Variants in PDE4C observed in about 807,000 individuals in gnomAD.
PDE4C encodes phosphodiesterase 4C.
Under a neutral mutation model 63.9 loss-of-function variants are expected in PDE4C, and 50 were observed. The ratio of observed to expected loss-of-function variants is 0.78; its 90% confidence interval spans 0.62 to 0.99. The LOEUF (loss-of-function observed/expected upper bound fraction) is 0.99. PDE4C is among the 50% of genes least tolerant of loss of function. The pLI is 0.00. For synonymous variants in PDE4C, 377 were observed against 385.1 expected (o/e 0.98, Z 0.25); for missense variants, 777 against 899.1 (o/e 0.86, Z 1.74).
chr19:18,210,669 C>A, exon 15 of PDE4C: 1 of 390,206 alleles, frequency 2.6e-6, no homozygotes, highest in Non-Finnish European at 4.5e-6. Flanking sequence ...GGGATAGAAG[C>A]CCAGGAGAAA....
chr19:18,217,004 C>A, intron 11 of PDE4C, 109 bp from the exon 12 acceptor site: 1 of 1,212,762 alleles, frequency 8.2e-7, no homozygotes, highest in Non-Finnish European at 1.1e-6. Context: ...GTTGAAGGCC[C>A]AACTCTAGCA....
At chr19:18,211,231 C>T in exon 15 of PDE4C, 1 of 1,608,352 alleles carries the variant, frequency 6.2e-7, no homozygotes, top group Middle Eastern at 1.7e-4. Flanking sequence ...ACCAGGTCAG[C>T]CCAAGTCTCC....
chr19:18,221,145 C>G, exon 4 of PDE4C: 1 of 1,581,934 alleles, frequency 6.3e-7, no homozygotes, highest in Middle Eastern at 2.1e-4. Context: ...AGGGCCGCCA[C>G]GTTGCTCCGA....
chr19:18,221,137 G>C (rs1195611648), exon 4 of PDE4C: 1 of 1,570,016 alleles, frequency 6.4e-7, no homozygotes, highest in South Asian at 1.1e-5. Flanking sequence ...GGCGGGCAAG[G>C]GCCGCCACGT....
At chr19:18,221,906 G>A (rs542088117) in intron 2 of PDE4C, among the ~76,000 whole-genome samples, 3 of 152,304 alleles carry the variant, frequency 2.0e-5, no homozygotes, top group South Asian at 4.1e-4. Flanking sequence ...GATTACAGGC[G>A]TGAGCCACCG....
chr19:18,232,374 CGTGT>C (rs4006742), intron 1 of PDE4C, among the ~76,000 whole-genome samples: 242 of 149,934 alleles, frequency 1.6e-3, no homozygotes, highest in Non-Finnish European at 2.7e-3. Context: ...AAAATAAAAA[CGTGT>C]GTGTGTGTGT....
At chr19:18,222,167 C>G in exon 2 of PDE4C, 1 of 1,613,850 alleles carries the variant, frequency 6.2e-7, no homozygotes, top group South Asian at 1.1e-5. Flanking sequence ...GAGACATGGC[C>G]TTGGGCGAGA....
rs1315915106 is a variant in PDE4C at position 18,220,664 on chromosome 19, G to A, written c.500-149C>T. 2 of 797,710 alleles carry A rather than the reference G, an allele frequency of 2.5e-6. No individual in the cohort carries two copies. Among genetic ancestry groups the A allele is most frequent in the African/African-American group, 1.7e-5 (1 of 58,126 alleles). The allele number at this position is 797,710 out of a possible 1,614,324, so 49.4% of individuals were successfully genotyped here. On this transcript the variant is annotated intron_variant, in intron 5 of 14. Transcript: ENST00000262805. This position sits in a 1 kb window ranked among gnomAD's most constrained non-coding sequence, Gnocchi z 5.1. ...GACCCAAGTTCCAGATCTGTTCCCC[G>A]AGTGCCTGTGTGACCATGAGATCTC...
At chr19:18,235,933 T>C (rs1044947753), upstream of PDE4C, among the ~76,000 whole-genome samples, 33 of 151,904 alleles carry the variant, frequency 2.2e-4, no homozygotes, top group African/African-American at 7.7e-4. Flanking sequence ...GGATTTGTTT[T>C]ACTGTTTTTT....
chr19:18,226,408 C>T (rs1600091405), exon 1 of PDE4C: 6 of 1,436,358 alleles, frequency 4.2e-6, no homozygotes, highest in Non-Finnish European at 5.5e-6. Context: ...CGCGGGGGGG[C>T]CCTGCATCGC....
intron 1 of PDE4C, among the ~76,000 whole-genome samples, chr19:18,222,597 A>C: frequency 6.8e-6 from 1 of 146,840 alleles, no homozygotes; most frequent in Non-Finnish European, 1.5e-5. Context: ...TCTGGACCTC[A>C]ATCACCCTAT....
In PDE4C at chr19:18,223,915, C is replaced by G. The variant is rs1280315964; in HGVS notation, c.147-1592G>C. On this transcript the variant is annotated intron_variant, in intron 1 of 14. Coordinates refer to ENST00000262805, the Ensembl canonical transcript of PDE4C. ...CTCACACCCTTGGCTACCTGCCACG[C>G]CCCCAGCGTTCCAGGCTCCACCCTC... 2.0e-5 allele frequency among the ~76,000 whole-genome samples: 3 copies of G among 152,190 alleles called. No individual in the cohort carries two copies. In the East Asian group the frequency reaches 5.8e-4, roughly 29 times the overall value.
intron 1 of PDE4C, among the ~76,000 whole-genome samples, chr19:18,232,401 G>A (rs1393732686): frequency 6.7e-6 from 1 of 150,258 alleles, no homozygotes; most frequent in East Asian, 2.0e-4. Flanking sequence ...GTGTGTGTGT[G>A]TGTGTGTGCG....
chr19:18,217,525 C>T (rs1192510641), intron 11 of PDE4C, among the ~76,000 whole-genome samples: 3 of 152,134 alleles, frequency 2.0e-5, no homozygotes, highest in Non-Finnish European at 4.4e-5. Flanking sequence ...CACTCCAGGG[C>T]TTGTACACAA....
At chr19:18,209,090 C>G (rs977692407), downstream of PDE4C, 1 of 151,818 alleles carries the variant, frequency 6.6e-6, no homozygotes, top group Non-Finnish European at 1.5e-5. Context: ...ACATGCCGGG[C>G]ACAGAGCCCC....
chr19:18,220,679 C>CA lies in PDE4C; in HGVS notation c.500-165dup. ...TCTGTTCCCCGAGTGCCTGTGTGACCATGAGATCTCTGGGCCTCAGCCTCC... is the reference window on the plus strand; with the variant it reads ...TCTGTTCCCCGAGTGCCTGTGTGACCAATGAGATCTCTGGGCCTCAGCCTCC... On this transcript the variant is annotated intron_variant, in intron 5 of 14. Transcript: ENST00000262805. The surrounding 1 kb of genome is among the most constrained non-coding windows in gnomAD (Gnocchi z 5.1). 1 of 782,516 alleles carries CA rather than the reference C, an allele frequency of 1.3e-6. No individual in the cohort carries two copies. Among genetic ancestry groups the CA allele is most frequent in the Non-Finnish European group, 2.1e-6 (1 of 478,530 alleles). The allele number at this position is 782,516 out of a possible 1,614,324, so 48.5% of individuals were successfully genotyped here. A position where few individuals can be genotyped will look rare whatever the true frequency, so the allele number is the denominator to read the frequency against.
At chr19:18,216,890 C>T (rs1209270737) in exon 12 of PDE4C, 2 of 1,611,112 alleles carry the variant, frequency 1.2e-6, no homozygotes, top group African/African-American at 1.3e-5. Flanking sequence ...AGCGCCAGCT[C>T]TGAGTCTGTG....
chr19:18,212,465 G>A (rs1433493045), intron 13 of PDE4C, among the ~76,000 whole-genome samples: 2 of 141,030 alleles, frequency 1.4e-5, no homozygotes, highest in African/African-American at 2.6e-5. Flanking sequence ...GTGAGCCACT[G>A]AGCCCAGCTT....
chr19:18,210,928 C>T (rs1967895459), exon 15 of PDE4C: 3 of 1,601,456 alleles, frequency 1.9e-6, no homozygotes, highest in Non-Finnish European at 2.6e-6. Flanking sequence ...CAGGGCTGGC[C>T]CTAAGTCCTC....
Sources: gnomAD v4.1 joint callset for allele counts (sites outside exome capture counted in the v4.1 genomes callset) on GRCh38, gnomAD v4.1.1 for gene constraint, Gnocchi (gnomAD v3.1) non-coding constraint, MANE v1.5 for transcripts, NCBI Gene and HGNC (gene_info 2026-07-23, HGNC 2026-07-21) for gene names.